The following ZNF200 variants were observed in gnomAD, a reference collection of about 807,000 sequenced individuals.
ZNF200 encodes zinc finger protein 200.
A neutral mutation model predicts 33.6 loss-of-function variants in ZNF200; 35 were observed. That is an observed-to-expected ratio of 1.04 (90% CI 0.80 to 1.38). The LOEUF is 1.38. Ranked by LOEUF, ZNF200 falls within the 40% of genes most tolerant of loss-of-function variation. ZNF200 has a pLI of 0.00. For synonymous variants in ZNF200, 209 were observed against 167.7 expected (o/e 1.25, Z -1.90); for missense variants, 592 against 470.6 (o/e 1.26, Z -2.39).
chr16:3,231,700 C>T (rs777707787), intron 4 of ZNF200, among the ~76,000 whole-genome samples: 13 of 152,204 alleles, frequency 8.5e-5, no homozygotes, highest in Non-Finnish European at 1.8e-4. Flanking sequence ...ACACGGAATT[C>T]ATTGACAAAA....
Position 3,232,618 on chromosome 16 carries a change from T to G in ZNF200, c.340-71A>C, listed in dbSNP as rs192370976. 361 of 1,584,504 alleles carry G rather than the reference T, an allele frequency of 2.3e-4. No individual in the cohort carries two copies. In the African/African-American group the frequency reaches 4.7e-3, roughly 21 times the overall value. ...TGACAGCCCTACTGGTAAGAAAAGC[T>G]GACACACAAAGATCAAGGGAAGGGA... On this transcript the variant is annotated intron_variant, in intron 3 of 4. Coordinates refer to ENST00000414144, the MANE Select transcript of ZNF200 (RefSeq NM_198088.3).
intron 4 of ZNF200, among the ~76,000 whole-genome samples, chr16:3,228,240 T>A (rs1270809719): frequency 1.3e-5 from 2 of 152,196 alleles, no homozygotes; most frequent in African/African-American, 4.8e-5. Context: ...TTATTCACTT[T>A]ATTTCCCACT....
chr16:3,232,576 T>G, intron 3 of ZNF200, 29 bp from the exon 4 acceptor site: 1 of 1,610,334 alleles, frequency 6.2e-7, no homozygotes, highest in Non-Finnish European at 8.5e-7. Context: ...CCTTTCATCT[T>G]AGTAACTGAG....
chr16:3,223,602 CAA>C lies in ZNF200; in HGVS notation c.*288_*289del. 1 of 284,260 alleles carries C rather than the reference CAA, an allele frequency of 3.5e-6. No homozygotes were observed. Among genetic ancestry groups the C allele is most frequent in the Admixed American group, 4.8e-5 (1 of 20,924 alleles). 17.6% of individuals were successfully genotyped at this position (284,260 alleles called of 1,614,324 possible). On this transcript the variant is annotated 3_prime_UTR_variant, in exon 5 of 5. Transcript: ENST00000414144. ...AGTAAGCAGACTCCAGATTCATCTT[CAA>C]AGTGTTGGGAAAGGGGATCTGTGAC...
Position 3,224,066 on chromosome 16 carries a change from A to C in ZNF200, c.1014T>G (p.Cys338Trp). Residue 338 changes from cysteine (C) to tryptophan (W), a missense_variant, in exon 5 of 5, where the codon TGT (cysteine) becomes TGG (tryptophan). Transcript: ENST00000414144. Reference protein sequence around the residue: ...GIHIREKIFKCPECGKTFPKN... With the variant: ...GIHIREKIFKWPECGKTFPKN... ...TTGGGAAGGTTTTCCCACATTCTGG[A>C]CACTTAAATATCTTCTCCCTTATAT... 3 of 1,614,194 alleles carry C rather than the reference A, an allele frequency of 1.9e-6. No homozygotes were observed. The highest frequency in any genetic ancestry group is 2.5e-6 in the Non-Finnish European group (3 of 1,180,040).
intron 4 of ZNF200, among the ~76,000 whole-genome samples, chr16:3,230,916 A>C (rs890181267): frequency 6.6e-6 from 1 of 152,230 alleles, no homozygotes; most frequent in African/African-American, 2.4e-5. Context: ...TATACCTATA[A>C]AAATTTCACA....
intron 1 of ZNF200, chr16:3,234,606 G>C (rs547049037): frequency 6.6e-6 from 1 of 152,356 alleles, no homozygotes; most frequent in African/African-American, 2.4e-5. Context: ...CCTAAAAGCA[G>C]GTTGGTCACT....
At chr16:3,224,846 C>G (rs143170751) in intron 4 of ZNF200, 1 of 534,868 alleles carries the variant, frequency 1.9e-6, no homozygotes, top group Non-Finnish European at 3.3e-6. Context: ...TGGGATTTCA[C>G]TGAAAGACTT....
At chr16:3,225,699 AG>A (rs1257874399) in intron 4 of ZNF200, 1 of 151,904 alleles carries the variant, frequency 6.6e-6, no homozygotes, top group Non-Finnish European at 1.5e-5. Context: ...TTCAGAAAAA[AG>A]TCAGTGTAAG....
At chr16:3,228,426 A>C (rs1213905805) in intron 4 of ZNF200, among the ~76,000 whole-genome samples, 1 of 152,150 alleles carries the variant, frequency 6.6e-6, no homozygotes, top group Non-Finnish European at 1.5e-5. Context: ...TTCAGTAACT[A>C]TACAAGTAAA....
intron 1 of ZNF200, 54 bp from the exon 2 acceptor site, chr16:3,233,890 A>C (rs931399262): frequency 1.4e-6 from 2 of 1,417,324 alleles, no homozygotes; most frequent in African/African-American, 2.9e-5. Flanking sequence ...GCATTACTGC[A>C]CTCCAATATG....
intron 4 of ZNF200, 64 bp from the exon 5 acceptor site, chr16:3,224,677 AGT>A: frequency 6.6e-7 from 1 of 1,510,100 alleles, no homozygotes; most frequent in Non-Finnish European, 8.8e-7. Context: ...GGAAAAAACA[AGT>A]CAGGTTTCTT....
rs1596331900 is a variant in ZNF200, at chr16:3,223,866, A to G, written c.*26T>C. ...AAAGCTCTCAGGTTGAGGCAGCACC[A>G]TCAGACCCAGAAAGGGTTCCCAGTA... On this transcript the variant is annotated 3_prime_UTR_variant, in exon 5 of 5. Transcript: ENST00000414144. The G allele has an allele frequency of 1.3e-6, 2 of 1,580,232 alleles. No individual in the cohort carries two copies. The highest frequency in any genetic ancestry group is 4.5e-5 in the East Asian group (2 of 44,648).
At chr16:3,228,433 T>A (rs1419333719) in intron 4 of ZNF200, among the ~76,000 whole-genome samples, 2 of 151,096 alleles carry the variant, frequency 1.3e-5, no homozygotes, top group Non-Finnish European at 3.0e-5. Flanking sequence ...ACTATACAAG[T>A]AAACAAATGA....
intron 1 of ZNF200, chr16:3,234,333 G>C (rs1958736450): frequency 6.6e-6 from 1 of 152,464 alleles, no homozygotes; most frequent in Non-Finnish European, 1.5e-5. Flanking sequence ...CCAGGAGGTC[G>C]AGGCTGCAGT....
chr16:3,227,544 A>G (rs1212737063), intron 4 of ZNF200: 1 of 152,150 alleles, frequency 6.6e-6, no homozygotes, highest in East Asian at 1.9e-4. Flanking sequence ...TTGTAATCCC[A>G]CATGTCAAGG....
At chr16:3,229,471 C>T (rs1217096897) in intron 4 of ZNF200, among the ~76,000 whole-genome samples, 1 of 151,902 alleles carries the variant, frequency 6.6e-6, no homozygotes, top group Non-Finnish European at 1.5e-5. Flanking sequence ...AAACCAATTT[C>T]CATAGAGAAA....
At position 3,235,114 on chromosome 16, in the gene ZNF200, G is replaced by A. The variant is rs936977711; in HGVS notation, c.-209C>T. 6.6e-6 allele frequency: 1 copy of A among 152,202 alleles called. No homozygotes were observed. Among genetic ancestry groups the A allele is most frequent in the Non-Finnish European group, 1.5e-5 (1 of 68,046 alleles). The allele number at this position is 152,202 out of a possible 1,614,324, so 9.4% of individuals were successfully genotyped here. A position where few individuals can be genotyped will look rare whatever the true frequency, so the allele number is the denominator to read the frequency against. The stretch of plus-strand genomic sequence containing the variant: ...CTCGCCCTTCCGAGTGCCCTCACAG[G>A]TCGCCGGCGACTATTCGTTCGCGCC... On this transcript the variant is annotated 5_prime_UTR_variant, in exon 1 of 5. Coordinates refer to ENST00000414144, the MANE Select transcript of ZNF200 (RefSeq NM_198088.3).
intron 4 of ZNF200, 60 bp downstream of exon 4, chr16:3,232,361 T>C: frequency 6.3e-7 from 1 of 1,581,214 alleles, no homozygotes; most frequent in East Asian, 2.2e-5. Context: ...GCTAAAGAGA[T>C]GAAGGACATG....
Sources: gnomAD v4.1 joint callset for allele counts (sites outside exome capture counted in the v4.1 genomes callset) on GRCh38, gnomAD v4.1.1 for gene constraint, MANE v1.5 for transcripts, NCBI Gene and HGNC (gene_info 2026-07-23, HGNC 2026-07-21) for gene names.